GPM6A: variants seen among roughly 807,000 people sequenced by gnomAD.
GPM6A encodes neuronal membrane glycoprotein M6-a.
Under a neutral mutation model 32.1 loss-of-function variants are expected in GPM6A, and 7 were observed. That is an observed-to-expected ratio of 0.22 (90% CI 0.12 to 0.41). The LOEUF (loss-of-function observed/expected upper bound fraction) is 0.41, where lower values mean the gene tolerates loss of function less well. Among genes scored for constraint, GPM6A ranks in the 10% least tolerant of loss-of-function variants. The pLI, the probability that GPM6A is intolerant of heterozygous loss-of-function variation, is 1.00. For missense variants in GPM6A, 235 were observed against 347.2 expected (o/e 0.68, Z 2.57); for synonymous variants, 130 against 123.4 (o/e 1.05, Z -0.35).
chr4:175,689,028 C>T (rs1217053530), intron 2 of GPM6A, among the ~76,000 whole-genome samples: 1 of 151,964 alleles, frequency 6.6e-6, no homozygotes, highest in Non-Finnish European at 1.5e-5. Context: ...AATTATTCTA[C>T]TTTTTTTGTA....
chr4:175,668,519 A>ATGTGTGTGTTTGTGTGTGTGTGTG (rs1553971236), intron 3 of GPM6A, among the ~76,000 whole-genome samples: 2 of 139,236 alleles, frequency 1.4e-5, no homozygotes, highest in African/African-American at 5.1e-5. Flanking sequence ...TCAAACGTTT[A>ATGTGTGTGTTTGTGTGTGTGTGTG]TGTGTGTGTG....
intron 1 of GPM6A, among the ~76,000 whole-genome samples, chr4:175,865,060 C>T (rs1397861998): frequency 1.3e-5 from 2 of 152,220 alleles, no homozygotes; most frequent in Non-Finnish European, 2.9e-5. Flanking sequence ...AGCCACCTGC[C>T]TCGGCCTCCC....
At chr4:175,753,954 T>G (rs765913409) in intron 1 of GPM6A, among the ~76,000 whole-genome samples, 1 of 152,116 alleles carries the variant, frequency 6.6e-6, no homozygotes, top group Non-Finnish European at 1.5e-5. Context: ...AGGTCCAATC[T>G]TCATAAAGGG....
chr4:175,644,126 T>TG (rs1339318488), intron 4 of GPM6A, among the ~76,000 whole-genome samples: 31 of 148,090 alleles, frequency 2.1e-4, no homozygotes, highest in Admixed American at 1.9e-3. Context: ...CGTTTGTTTT[T>TG]TTTTTTTTTT....
At chr4:175,909,629 T>C (rs765571312) in intron 1 of GPM6A, among the ~76,000 whole-genome samples, 5 of 152,188 alleles carry the variant, frequency 3.3e-5, no homozygotes, top group Non-Finnish European at 7.3e-5. Context: ...ATATTACTTA[T>C]GGTTTTACAC....
At chr4:175,908,450 C>T (rs1227765048) in intron 1 of GPM6A, among the ~76,000 whole-genome samples, 2 of 152,118 alleles carry the variant, frequency 1.3e-5, no homozygotes, top group African/African-American at 4.8e-5. Context: ...GCTAGTGTTA[C>T]TCATTCCCCT....
At position 175,875,287 on chromosome 4, in the gene GPM6A, CCAT is replaced by C. The variant is rs377507527; in HGVS notation, c.-22-63041_-22-63039del. Among the ~76,000 whole-genome samples the C allele has an allele frequency of 1.8e-4, 27 of 152,250 alleles. No homozygotes were observed. The East Asian group carries it at 4.1e-3, about 23-fold the overall frequency. On this transcript the variant is annotated intron_variant, in intron 1 of 7. Transcript: ENST00000280187. ...CTGTTCCTCTATTCTTTTTGCAATG[CCAT>C]GAGCTTTTAATATCAAGCCACTAAA...
chr4:175,858,767 T>C (rs2111415847), intron 1 of GPM6A, among the ~76,000 whole-genome samples: 1 of 152,332 alleles, frequency 6.6e-6, no homozygotes, highest in East Asian at 1.9e-4. Context: ...ATTATGACTC[T>C]TATAAGAATG....
At chr4:175,663,927 T>G (rs1284558988) in intron 3 of GPM6A, among the ~76,000 whole-genome samples, 2 of 151,972 alleles carry the variant, frequency 1.3e-5, no homozygotes, top group Non-Finnish European at 2.9e-5. Flanking sequence ...CTCCTGAGCT[T>G]GTGATCCGCC....
chr4:176,000,559 T>C (rs1483420694), intron 1 of GPM6A, among the ~76,000 whole-genome samples: 2 of 152,216 alleles, frequency 1.3e-5, no homozygotes, highest in East Asian at 3.8e-4. Flanking sequence ...GAGCTTGAGG[T>C]TACAAGGGTA....
intron 1 of GPM6A, among the ~76,000 whole-genome samples, chr4:175,765,670 T>A (rs1410554974): frequency 6.6e-6 from 1 of 152,216 alleles, no homozygotes; most frequent in Non-Finnish European, 1.5e-5. Context: ...CACCTCTTTG[T>A]TTCAAATCTT....
chr4:175,889,614 G>C (rs1737572191), intron 1 of GPM6A, among the ~76,000 whole-genome samples: 2 of 151,936 alleles, frequency 1.3e-5, no homozygotes, highest in Admixed American at 6.5e-5. Context: ...AGGAGATTGA[G>C]GCCATTGGCT....
intron 2 of GPM6A, among the ~76,000 whole-genome samples, chr4:175,694,332 A>G (rs1375513419): frequency 2.0e-5 from 3 of 152,210 alleles, no homozygotes; most frequent in Non-Finnish European, 4.4e-5. Flanking sequence ...AAGATGAGGG[A>G]AAGTTTGGAA....
At chr4:175,789,442 G>A (rs576682038) in intron 1 of GPM6A, among the ~76,000 whole-genome samples, 2 of 152,136 alleles carry the variant, frequency 1.3e-5, no homozygotes, top group East Asian at 3.9e-4. Flanking sequence ...AATCCATTAT[G>A]TTCAATTTAT....
At chr4:175,937,747 G>A (rs1739285232) in intron 1 of GPM6A, among the ~76,000 whole-genome samples, 1 of 151,874 alleles carries the variant, frequency 6.6e-6, no homozygotes, top group African/African-American at 2.4e-5. Context: ...TCACAATGTT[G>A]AATTTAAAAT....
chr4:175,637,633 ATATT>A (rs1740820587), intron 6 of GPM6A, among the ~76,000 whole-genome samples: 3 of 45,746 alleles, frequency 6.6e-5, no homozygotes, highest in Admixed American at 1.0e-3. Flanking sequence ...TATTATATAT[ATATT>A]ATATATTATA....
At chr4:175,777,664 C>T (rs1392185322) in intron 1 of GPM6A, among the ~76,000 whole-genome samples, 1 of 151,914 alleles carries the variant, frequency 6.6e-6, no homozygotes, top group African/African-American at 2.4e-5. Flanking sequence ...TATCAAAACA[C>T]ACCAAATCCT....
Position 175,633,028 on chromosome 4 carries a change from G to C in GPM6A, c.*1877C>G, listed in dbSNP as rs1196946531. ...CAAAAACGCCACCATCAAGCTGTTG[G>C]CACATTTATGTACAAAACAGATTAA... On this transcript the variant is annotated 3_prime_UTR_variant, in exon 7 of 7. Transcript: ENST00000393658. 1 of 152,386 alleles carries C rather than the reference G, an allele frequency of 6.6e-6. No homozygotes were observed. Among genetic ancestry groups the C allele is most frequent in the Non-Finnish European group, 1.5e-5 (1 of 67,916 alleles). 9.4% of individuals were successfully genotyped at this position (152,386 alleles called of 1,614,324 possible).
At chr4:175,773,791 T>G (rs1733285279) in intron 1 of GPM6A, among the ~76,000 whole-genome samples, 1 of 152,120 alleles carries the variant, frequency 6.6e-6, no homozygotes, top group Admixed American at 6.5e-5. Context: ...TATAGGCATC[T>G]CCAGACAAAA....
Sources: allele counts gnomAD v4.1 joint callset (sites outside exome capture counted in the v4.1 genomes callset), GRCh38; gene constraint gnomAD v4.1.1; transcripts MANE v1.5; gene names NCBI Gene and HGNC (gene_info 2026-07-23, HGNC 2026-07-21).